SNAP91: variants seen among roughly 807,000 people sequenced by gnomAD.
SNAP91 encodes clathrin coat assembly protein AP180.
In SNAP91, 27 loss-of-function variants were observed where a neutral mutation model predicts 100.3. The ratio of observed to expected loss-of-function variants is 0.27; its 90% CI spans 0.20 to 0.37. SNAP91 has a LOEUF of 0.37. SNAP91 is among the 10% of genes least tolerant of loss of function. SNAP91 has a pLI of 1.00. For synonymous variants in SNAP91, 404 were observed against 398.6 expected (o/e 1.01, Z -0.16); for missense variants, 986 against 1,123.7 (o/e 0.88, Z 1.75).
At chr6:83,593,770 C>A (rs2094127518) in intron 17 of SNAP91, 29 bp from the exon 18 acceptor site, 2 of 1,534,030 alleles carry the variant, frequency 1.3e-6, no homozygotes, top group African/African-American at 1.4e-5. Context: ...GAGACACACA[C>A]AGCATCAGTA....
chr6:83,659,226 C>T, intron 5 of SNAP91, 134 bp from the exon 6 acceptor site: 1 of 673,122 alleles, frequency 1.5e-6, no homozygotes, highest in Non-Finnish European at 2.5e-6. Flanking sequence ...TGAGGTATTA[C>T]AAGGTTGTAG....
intron 11 of SNAP91, among the ~76,000 whole-genome samples, chr6:83,614,656 C>G (rs1375226521): frequency 6.6e-6 from 1 of 151,902 alleles, no homozygotes; most frequent in African/African-American, 2.4e-5. Context: ...AGTCTATATC[C>G]AAGAAGACCG....
chr6:83,567,787 C>G (rs1019350047), intron 26 of SNAP91, among the ~76,000 whole-genome samples: 7 of 152,094 alleles, frequency 4.6e-5, no homozygotes, highest in Non-Finnish European at 1.0e-4. Context: ...CAAATCAAAA[C>G]CACAATGAGA....
rs764551415 is a variant in SNAP91, at chr6:83,595,608, C to A, written c.1325-1127G>T. Among the ~76,000 whole-genome samples, 4 of 152,058 alleles carry A rather than the reference C, an allele frequency of 2.6e-5. No homozygotes were observed. In the South Asian group the frequency reaches 8.3e-4, roughly 32 times the overall value. On this transcript the variant is annotated intron_variant, in intron 16 of 29. Coordinates refer to ENST00000369694, the MANE Select transcript of SNAP91 (RefSeq NM_001242792.2). ...GAAGAAAACCCTGGAGAGTGGAGAC[C>A]AGCACCCACCTAGAACCTGTCACTT...
intron 24 of SNAP91, among the ~76,000 whole-genome samples, chr6:83,579,050 G>A (rs1031306391): frequency 2.6e-5 from 4 of 152,074 alleles, no homozygotes; most frequent in South Asian, 2.1e-4. Context: ...GACTATATAC[G>A]TGGGTTTATT....
At chr6:83,675,150 T>C (rs182641196) in intron 2 of SNAP91, among the ~76,000 whole-genome samples, 7 of 152,230 alleles carry the variant, frequency 4.6e-5, no homozygotes, top group Admixed American at 2.6e-4. Context: ...ATAGGGCAAG[T>C]AAGAAAAGAA....
At chr6:83,701,325 A>G (rs2099303919) in intron 2 of SNAP91, among the ~76,000 whole-genome samples, 1 of 152,218 alleles carries the variant, frequency 6.6e-6, no homozygotes. Context: ...GTAATTTAAA[A>G]TAAAAAATGC....
chr6:83,652,360 T>C (rs773135581), intron 7 of SNAP91, among the ~76,000 whole-genome samples: 1 of 152,142 alleles, frequency 6.6e-6, no homozygotes, highest in Non-Finnish European at 1.5e-5. Flanking sequence ...TCTTAGCATA[T>C]CAATTACACT....
chr6:83,603,217 C>T (rs1256498753), intron 14 of SNAP91, among the ~76,000 whole-genome samples: 1 of 151,966 alleles, frequency 6.6e-6, no homozygotes, highest in East Asian at 1.9e-4. Context: ...ACCTTATAGT[C>T]ATTTAAAATA....
At chr6:83,698,202 G>T (rs1351908654) in intron 2 of SNAP91, among the ~76,000 whole-genome samples, 2 of 151,704 alleles carry the variant, frequency 1.3e-5, no homozygotes, top group African/African-American at 4.8e-5. Context: ...AAATAGGCTG[G>T]TTCCACATCT....
chr6:83,560,957 T>G lies in SNAP91; in HGVS notation c.2443-10A>C. 1 of 1,584,076 alleles carries G rather than the reference T, an allele frequency of 6.3e-7. No individual in the cohort carries two copies. The highest frequency in any genetic ancestry group is 1.1e-5 in the South Asian group (1 of 87,038). On this transcript the variant is annotated splice_polypyrimidine_tract_variant and intron_variant, in intron 26 of 29. Coordinates refer to ENST00000369694, the MANE Select transcript of SNAP91 (RefSeq NM_001242792.2). Reference sequence around the variant, plus strand: ...GAGGTACAGCTCCTTGCTACACAGATAGACAGACATACACATATAAATAAC... The same window carrying G: ...GAGGTACAGCTCCTTGCTACACAGAGAGACAGACATACACATATAAATAAC...
intron 2 of SNAP91, among the ~76,000 whole-genome samples, chr6:83,682,055 T>A (rs1365699651): frequency 6.6e-6 from 1 of 151,974 alleles, no homozygotes; most frequent in Non-Finnish European, 1.5e-5. Context: ...CACTGTTTTC[T>A]CTCTCCAATC....
At chr6:83,575,956 G>T in intron 25 of SNAP91, 67 bp downstream of exon 25, 2 of 817,034 alleles carry the variant, frequency 2.4e-6, no homozygotes, top group Non-Finnish European at 3.9e-6. Flanking sequence ...TGAGTAAAAT[G>T]GTTGATAGTC....
chr6:83,602,918 T>C (rs2095361989), intron 14 of SNAP91, among the ~76,000 whole-genome samples: 1 of 152,174 alleles, frequency 6.6e-6, no homozygotes, highest in South Asian at 2.1e-4. Flanking sequence ...AACTGGTTGA[T>C]AGGTGCAGCA....
rs535300355 is a variant in SNAP91, at chr6:83,672,511, A to G, written c.131-6930T>C. On this transcript the variant is annotated intron_variant, in intron 2 of 29. Coordinates refer to ENST00000369694, the MANE Select transcript of SNAP91 (RefSeq NM_001242792.2). Reference sequence around the variant, plus strand: ...ATATGACTCTACTGTAGTCCTTATTACACAGAATTATCATTGTTAGTCTAC... The same window carrying G: ...ATATGACTCTACTGTAGTCCTTATTGCACAGAATTATCATTGTTAGTCTAC... 2.0e-5 allele frequency among the ~76,000 whole-genome samples: 3 copies of G among 152,202 alleles called. No homozygotes were observed. The East Asian group carries it at 5.8e-4, about 29-fold the overall frequency.
At chr6:83,671,328 T>C (rs868221704) in intron 2 of SNAP91, among the ~76,000 whole-genome samples, 5 of 152,140 alleles carry the variant, frequency 3.3e-5, no homozygotes, top group African/African-American at 1.2e-4. Flanking sequence ...GAAATATAAA[T>C]GATTTCTGTA....
At chr6:83,644,818 A>G (rs2097853114) in intron 7 of SNAP91, among the ~76,000 whole-genome samples, 1 of 152,238 alleles carries the variant, frequency 6.6e-6, no homozygotes, top group Non-Finnish European at 1.5e-5. Flanking sequence ...TTGGTCACGA[A>G]ATCCTTGACT....
intron 22 of SNAP91, among the ~76,000 whole-genome samples, chr6:83,588,862 G>C (rs1311185775): frequency 6.6e-6 from 1 of 152,164 alleles, no homozygotes; most frequent in Admixed American, 6.5e-5. Flanking sequence ...AGACAATGTG[G>C]CTGTGTAGCA....
chr6:83,599,655 A>G (rs1419107025), intron 16 of SNAP91, among the ~76,000 whole-genome samples: 2 of 152,288 alleles, frequency 1.3e-5, no homozygotes, highest in South Asian at 4.1e-4. Flanking sequence ...AACTCTATTT[A>G]CCACCTGATT....
Sources: gnomAD v4.1 joint callset for allele counts (sites outside exome capture counted in the v4.1 genomes callset) on GRCh38, gnomAD v4.1.1 for gene constraint, MANE v1.5 for transcripts, NCBI Gene and HGNC (gene_info 2026-07-23, HGNC 2026-07-21) for gene names.